LIMA1: variants seen among roughly 807,000 people sequenced by gnomAD.
The protein encoded by LIMA1 is LIM domain and actin binding 1, also known as LIM domain and actin-binding protein 1.
In LIMA1, 52 loss-of-function variants were observed where a neutral mutation model predicts 62.6. That is an observed-to-expected ratio of 0.83 (90% CI 0.67 to 1.05). The LOEUF (loss-of-function observed/expected upper bound fraction) is 1.05, where lower values mean the gene tolerates loss of function less well. Among genes scored for constraint, LIMA1 ranks in the 50% least tolerant of loss-of-function variants. LIMA1 has a pLI of 0.00. For synonymous variants in LIMA1, 302 were observed against 317.8 expected (o/e 0.95, Z 0.53); for missense variants, 780 against 902.2 (o/e 0.86, Z 1.74).
At position 50,206,055 on chromosome 12, in the gene LIMA1, T is replaced by A; in HGVS notation, c.644A>T (p.Gln215Leu). 1 of 1,612,924 alleles carries A rather than the reference T, an allele frequency of 6.2e-7. No individual in the cohort carries two copies. The part of the protein sequence containing the change: ...EPTQTKILRA[Q>L]SRSASGRKIS... ...CTTCCTTCCACTTGCACTTCGGCTT[T>A]GGGCCCGGAGAATCTGGAAAACGAA... Residue 215 changes from glutamine to leucine, a missense_variant, in exon 5 of 11, where the codon CAA (glutamine) becomes CTA (leucine). Physicochemically the swap from Gln to Leu is moderately radical, Grantham distance 113. Coordinates refer to ENST00000341247, the MANE Select transcript of LIMA1 (RefSeq NM_016357.5).
At chr12:50,228,457 T>TC (rs1941564460) in intron 3 of LIMA1, among the ~76,000 whole-genome samples, 2 of 152,180 alleles carry the variant, frequency 1.3e-5, no homozygotes, top group Non-Finnish European at 2.9e-5. Flanking sequence ...TTCTGTTAAC[T>TC]CCCCTTCTAG....
rs987913698 is a variant in LIMA1, at chr12:50,201,440, T to C, written c.865-556A>G. 3 of 977,570 alleles carry C rather than the reference T, an allele frequency of 3.1e-6. No individual in the cohort carries two copies. The African/African-American group carries it at 5.3e-5, about 17-fold the overall frequency. 60.6% of individuals were successfully genotyped at this position (977,570 alleles called of 1,614,324 possible). The stretch of plus-strand genomic sequence containing the variant: ...AAAAGCATGTTTTTCCATATACAAT[T>C]CATATATTGTACTAAAGACATAATT... On this transcript the variant is annotated intron_variant, in intron 6 of 10. Coordinates refer to ENST00000341247, the MANE Select transcript of LIMA1 (RefSeq NM_016357.5).
At chr12:50,271,035 T>C (rs555889653) in intron 1 of LIMA1, among the ~76,000 whole-genome samples, 38 of 152,296 alleles carry the variant, frequency 2.5e-4, no homozygotes, top group African/African-American at 9.1e-4. Context: ...GAGCTTGCAG[T>C]GAGCCGAGAT....
intron 9 of LIMA1, among the ~76,000 whole-genome samples, chr12:50,183,391 T>A (rs115301703): frequency 7.7e-4 from 117 of 152,162 alleles, no homozygotes; most frequent in Non-Finnish European, 1.4e-3. Flanking sequence ...TTTGCTGCCA[T>A]GATCAGCCTG....
intron 3 of LIMA1, among the ~76,000 whole-genome samples, chr12:50,230,288 G>A (rs975985714): frequency 5.3e-5 from 8 of 152,172 alleles, no homozygotes; most frequent in African/African-American, 1.4e-4. Context: ...TGCCTGCCTC[G>A]GCCTCCCAAA....
rs768965142 is a variant in LIMA1, at chr12:50,222,256, G to C, written c.395C>G (p.Ser132Ter). 8 of 1,614,026 alleles carry C rather than the reference G, an allele frequency of 5.0e-6. No individual in the cohort carries two copies. Among genetic ancestry groups the C allele is most frequent in the Admixed American group, 3.3e-5 (2 of 59,988 alleles). The change falls in exon 4 of 11, where the codon TCA (serine) becomes TGA (stop). Residue 132 changes from serine to a stop codon, truncating the protein, a stop_gained. Coordinates refer to ENST00000341247, the MANE Select transcript of LIMA1 (RefSeq NM_016357.5). LOFTEE classifies it high-confidence loss of function. ...EQIHPRSRLRSPPEALVQGRY... is the reference protein window; with the variant it reads ...EQIHPRSRLR ...ACCCTGAACGAGGGCTTCAGGAGGT[G>C]ACCTGAGTCTAGATCTGGGGTGGAT...
intron 10 of LIMA1, among the ~76,000 whole-genome samples, chr12:50,179,599 G>A (rs1389767941): frequency 6.9e-6 from 1 of 144,902 alleles, no homozygotes; most frequent in Non-Finnish European, 1.5e-5. Flanking sequence ...CACCACACCT[G>A]ACTAATATTT....
intron 1 of LIMA1, chr12:50,256,122 C>T (rs1941993944): frequency 6.6e-6 from 1 of 152,050 alleles, no homozygotes; most frequent in African/African-American, 2.4e-5. Flanking sequence ...TCTTGAACTC[C>T]TGACCTCATG....
At chr12:50,254,503 C>A (rs1941968599) in intron 1 of LIMA1, among the ~76,000 whole-genome samples, 1 of 152,088 alleles carries the variant, frequency 6.6e-6, no homozygotes, top group African/African-American at 2.4e-5. Flanking sequence ...CTCCCAGGAT[C>A]AATGTTCTTT....
chr12:50,213,145 TC>T (rs2138520343), intron 4 of LIMA1, among the ~76,000 whole-genome samples: 1 of 152,332 alleles, frequency 6.6e-6, no homozygotes, highest in African/African-American at 2.4e-5. Flanking sequence ...CTCACAAGCT[TC>T]TAACTCCAGT....
At chr12:50,240,898 G>A (rs531211030) in intron 2 of LIMA1, among the ~76,000 whole-genome samples, 1 of 152,246 alleles carries the variant, frequency 6.6e-6, no homozygotes, top group Non-Finnish European at 1.5e-5. Context: ...AATGATAAGA[G>A]AGACTGACAA....
At chr12:50,183,147 A>G (rs1250179681) in intron 9 of LIMA1, among the ~76,000 whole-genome samples, 5 of 152,144 alleles carry the variant, frequency 3.3e-5, no homozygotes, top group African/African-American at 1.2e-4. Context: ...GCTTGTAGTG[A>G]GCCGAGATGG....
intron 2 of LIMA1, among the ~76,000 whole-genome samples, chr12:50,246,231 CA>C (rs923214910): frequency 0.01 from 531 of 51,380 alleles, no homozygotes; most frequent in African/African-American, 0.016. Context: ...GACTCCATCT[CA>C]AAAAAAAAAA....
At position 50,176,703 on chromosome 12, in the gene LIMA1, A is replaced by C. The variant is rs1940343495; in HGVS notation, c.*361T>G. On this transcript the variant is annotated 3_prime_UTR_variant, in exon 11 of 11. Coordinates refer to ENST00000341247, the MANE Select transcript of LIMA1 (RefSeq NM_016357.5). ...TCCTTCTGTATGTTCTCTAATTCCA[A>C]AATAGTGTGTAACAATATACTACTA... 1 of 175,178 alleles carries C rather than the reference A, an allele frequency of 5.7e-6. No homozygotes were observed. The highest frequency in any genetic ancestry group is 2.4e-5 in the African/African-American group (1 of 42,442). 10.9% of individuals were successfully genotyped at this position (175,178 alleles called of 1,614,324 possible).
At chr12:50,245,626 G>A (rs1176494269) in intron 2 of LIMA1, among the ~76,000 whole-genome samples, 1 of 150,988 alleles carries the variant, frequency 6.6e-6, no homozygotes, top group South Asian at 2.1e-4. Flanking sequence ...AATGTCATGG[G>A]TTCATTTAGA....
intron 3 of LIMA1, among the ~76,000 whole-genome samples, chr12:50,224,862 G>A (rs946808377): frequency 7.3e-5 from 11 of 150,670 alleles, no homozygotes; most frequent in Non-Finnish European, 1.6e-4. Flanking sequence ...CTCCTGAGTA[G>A]CTAGGACTAC....
intron 8 of LIMA1, among the ~76,000 whole-genome samples, chr12:50,193,631 C>CAT (rs1491472155): frequency 1.6e-4 from 14 of 86,038 alleles, no homozygotes; most frequent in Admixed American, 9.8e-4. Flanking sequence ...CATATATATA[C>CAT]GTGTGTGTGT....
Position 50,222,242 on chromosome 12 carries a change from G to A in LIMA1, c.409C>T (p.Leu137Phe). 6.2e-7 allele frequency: 1 copy of A among 1,614,114 alleles called. No homozygotes were observed. Among genetic ancestry groups the A allele is most frequent in the South Asian group, 1.1e-5 (1 of 91,076 alleles). ...ATGTGGGGATATCGACCCTGAACGAGGGCTTCAGGAGGTGACCTGAGTCTA... is the reference window on the plus strand; with the variant it reads ...ATGTGGGGATATCGACCCTGAACGAAGGCTTCAGGAGGTGACCTGAGTCTA... ...RSRLRSPPEA[L>F]VQGRYPHIKD... Residue 137 changes from leucine to phenylalanine, a missense_variant, in exon 4 of 11, where the codon CTC becomes TTC. Physicochemically the swap from Leu to Phe is conservative, Grantham distance 22 (BLOSUM62 0). Transcript: ENST00000341247.
At chr12:50,215,949 C>T (rs1034136672) in intron 4 of LIMA1, among the ~76,000 whole-genome samples, 1 of 151,696 alleles carries the variant, frequency 6.6e-6, no homozygotes, top group South Asian at 2.1e-4. Flanking sequence ...ACTCAGGAGG[C>T]TGAGGCAGAG....
Sources: gnomAD v4.1 joint callset for allele counts (sites outside exome capture counted in the v4.1 genomes callset) on GRCh38, gnomAD v4.1.1 for gene constraint, MANE v1.5 for transcripts, NCBI Gene and HGNC (gene_info 2026-07-23, HGNC 2026-07-21) for gene names.